ATP6V1C2: variants seen among roughly 807,000 people sequenced by gnomAD.
The protein encoded by ATP6V1C2 is V-type proton ATPase subunit C 2.
ATP6V1C2 carries 45 observed loss-of-function variants against 56.8 expected under a neutral mutation model. The observed-to-expected ratio is 0.79, with a 90% confidence interval of 0.62 to 1.02. ATP6V1C2 has a LOEUF of 1.02. Among genes scored for constraint, ATP6V1C2 ranks in the 50% least tolerant of loss-of-function variants. The pLI is 0.00. For missense variants in ATP6V1C2, 463 were observed against 519.7 expected (o/e 0.89, Z 1.06); for synonymous variants, 220 against 201.3 (o/e 1.09, Z -0.79).
chr2:10,778,269 C>T (rs1049996600), intron 11 of ATP6V1C2, among the ~76,000 whole-genome samples: 8 of 152,220 alleles, frequency 5.3e-5, no homozygotes, highest in Admixed American at 3.9e-4. Flanking sequence ...CAGTGTCAGG[C>T]AGAAGCCCCT....
chr2:10,726,483 GT>G lies in ATP6V1C2; in HGVS notation c.130-14del. ...GGCCAGAAACCTGTGAGCCTCTGACGTTTTTATGATCTGTCTAGGTGGGGAC... is the reference window on the plus strand; with the variant it reads ...GGCCAGAAACCTGTGAGCCTCTGACGTTTTATGATCTGTCTAGGTGGGGAC... On this transcript the variant is annotated intron_variant, in intron 2 of 13. Transcript: ENST00000272238. 1 of 1,611,240 alleles carries G rather than the reference GT, an allele frequency of 6.2e-7. No homozygotes were observed. Among genetic ancestry groups the G allele is most frequent in the Non-Finnish European group, 8.5e-7 (1 of 1,177,460 alleles).
chr2:10,764,514 C>T lies in ATP6V1C2; in HGVS notation c.378+89C>T. ...AGGGCCCCCCTGCCAACAGCCTCAG[C>T]CTGTCCTGACTGGGCCTCTGGGTTT... is the stretch of plus-strand genomic sequence containing the variant. On this transcript the variant is annotated intron_variant, in intron 5 of 13. Coordinates refer to ENST00000272238, the MANE Select transcript of ATP6V1C2 (RefSeq NM_001039362.2). 6 of 1,120,964 alleles carry T rather than the reference C, an allele frequency of 5.4e-6. No individual in the cohort carries two copies. The African/African-American group carries it at 6.1e-5, about 11-fold the overall frequency. The allele number at this position is 1,120,964 out of a possible 1,614,324, so 69.4% of individuals were successfully genotyped here. A position where few individuals can be genotyped will look rare whatever the true frequency, so the allele number is the denominator to read the frequency against.
At position 10,779,802 on chromosome 2, in the gene ATP6V1C2, G is replaced by A. The variant is rs187656757; in HGVS notation, c.1061+1133G>A. Among the ~76,000 whole-genome samples, 340 of 152,102 alleles carry A rather than the reference G, an allele frequency of 2.2e-3. 1 individual carries two copies. The highest frequency in any genetic ancestry group is 3.4e-3 in the Non-Finnish European group (233 of 68,004). ...AACACCAGGAGAGAACACTGCCAGC[G>A]TCCCAGTGGGTGCCCTTTTAGGTGT... On this transcript the variant is annotated intron_variant, in intron 12 of 13. Transcript: ENST00000272238.
intron 13 of ATP6V1C2, among the ~76,000 whole-genome samples, chr2:10,782,829 C>CAAAAAAAAAAAAAAAAAAAAA (rs60533807): frequency 1.9e-5 from 1 of 52,202 alleles, no homozygotes; most frequent in Non-Finnish European, 3.6e-5. Flanking sequence ...GACTCTGTCT[C>CAAAAAAAAAAAAAAAAAAAAA]AAAAAAAAAA....
intron 3 of ATP6V1C2, among the ~76,000 whole-genome samples, 167 bp from the exon 4 acceptor site, chr2:10,753,814 G>C (rs1210092213): frequency 6.6e-6 from 1 of 152,122 alleles, no homozygotes; most frequent in African/African-American, 2.4e-5. Flanking sequence ...GATTACAGGT[G>C]TGACCCACTG....
chr2:10,760,499 T>A lies in ATP6V1C2; in HGVS notation c.284-3832T>A, dbSNP rs1374037632. On this transcript the variant is annotated intron_variant, in intron 4 of 13. Transcript: ENST00000272238. ...CAGGGCAAGGCTCAGTGTACACAGTTGGAGCTGGTGTTCAGGACATGTGAG... is the reference window on the plus strand; with the variant it reads ...CAGGGCAAGGCTCAGTGTACACAGTAGGAGCTGGTGTTCAGGACATGTGAG... 5.3e-5 allele frequency among the ~76,000 whole-genome samples: 8 copies of A among 152,322 alleles called. No homozygotes were observed. In the East Asian group the frequency reaches 1.3e-3, roughly 26 times the overall value.
intron 3 of ATP6V1C2, among the ~76,000 whole-genome samples, chr2:10,738,095 CAT>C (rs1460706297): frequency 4.6e-5 from 7 of 152,208 alleles, no homozygotes; most frequent in African/African-American, 1.7e-4. Context: ...TGGTTTGTCA[CAT>C]CTCTATTTTG....
intron 4 of ATP6V1C2, among the ~76,000 whole-genome samples, chr2:10,758,721 G>A (rs866343589): frequency 2.0e-5 from 3 of 151,740 alleles, no homozygotes; most frequent in Admixed American, 6.6e-5. Context: ...GGAATGCAGT[G>A]GTGGGATCTC....
intron 3 of ATP6V1C2, among the ~76,000 whole-genome samples, chr2:10,737,783 T>G (rs1662335712): frequency 6.6e-6 from 1 of 152,198 alleles, no homozygotes; most frequent in Non-Finnish European, 1.5e-5. Context: ...AACCTTTGCC[T>G]TCCGGGTTCA....
intron 6 of ATP6V1C2, 108 bp from the exon 7 acceptor site, chr2:10,771,731 C>T (rs1664617066): frequency 3.7e-6 from 3 of 816,770 alleles, no homozygotes; most frequent in Non-Finnish European, 6.4e-6. Context: ...CCCTGGCACC[C>T]ACCCTTCCTT....
intron 2 of ATP6V1C2, among the ~76,000 whole-genome samples, chr2:10,723,632 A>C (rs1014681580): frequency 6.6e-6 from 1 of 151,556 alleles, no homozygotes; most frequent in African/African-American, 2.4e-5. Context: ...AGGTCAGGAG[A>C]TCGAGACCAT....
At chr2:10,759,132 T>C (rs901847545) in intron 4 of ATP6V1C2, among the ~76,000 whole-genome samples, 10 of 152,248 alleles carry the variant, frequency 6.6e-5, no homozygotes, top group South Asian at 4.1e-4. Context: ...AGGGCACCAC[T>C]GCCTGCAGCC....
chr2:10,767,159 CT>C (rs33943682), intron 5 of ATP6V1C2, among the ~76,000 whole-genome samples: 23 of 109,306 alleles, frequency 2.1e-4, no homozygotes, highest in African/African-American at 5.9e-4. Flanking sequence ...CATTTTTTAT[CT>C]TTTTTTTTTT....
chr2:10,746,902 G>A (rs1419947663), intron 3 of ATP6V1C2, among the ~76,000 whole-genome samples: 3 of 152,266 alleles, frequency 2.0e-5, no homozygotes, highest in African/African-American at 7.2e-5. Flanking sequence ...TTTAAGTGGG[G>A]TTATATGCTT....
At chr2:10,753,908 T>C (rs1663364934) in intron 3 of ATP6V1C2, 73 bp from the exon 4 acceptor site, 1 of 1,374,536 alleles carries the variant, frequency 7.3e-7, no homozygotes, top group African/African-American at 1.4e-5. Context: ...CTACTTTTCC[T>C]GCCAGCAGCA....
intron 3 of ATP6V1C2, among the ~76,000 whole-genome samples, chr2:10,737,801 C>A (rs562063775): frequency 6.6e-6 from 1 of 152,168 alleles, no homozygotes; most frequent in Non-Finnish European, 1.5e-5. Context: ...TCAAGCGATT[C>A]TCCTGCCTCA....
At chr2:10,775,256 A>G (rs1664889406) in intron 10 of ATP6V1C2, among the ~76,000 whole-genome samples, 185 bp downstream of exon 10, 2 of 152,182 alleles carry the variant, frequency 1.3e-5, no homozygotes, top group Admixed American at 1.3e-4. Context: ...CGGTGAGCAC[A>G]AAGGAGCCCA....
At chr2:10,773,926 G>A (rs1033375379) in intron 8 of ATP6V1C2, among the ~76,000 whole-genome samples, 21 of 152,180 alleles carry the variant, frequency 1.4e-4, no homozygotes, top group African/African-American at 5.1e-4. Flanking sequence ...GAGGTTACAG[G>A]GGAGGCAGGG....
At chr2:10,768,996 A>G (rs1221014484) in intron 6 of ATP6V1C2, among the ~76,000 whole-genome samples, 186 bp downstream of exon 6, 1 of 152,138 alleles carries the variant, frequency 6.6e-6, no homozygotes, top group Non-Finnish European at 1.5e-5. Context: ...GGGCCAGGTG[A>G]GGGTGATCAC....
Sources: gnomAD v4.1 joint callset for allele counts (sites outside exome capture counted in the v4.1 genomes callset) on GRCh38, gnomAD v4.1.1 for gene constraint, MANE v1.5 for transcripts, NCBI Gene and HGNC (gene_info 2026-07-23, HGNC 2026-07-21) for gene names.